The following NRXN3 variants were observed in gnomAD, a reference collection of about 807,000 sequenced individuals.
NRXN3 encodes neurexin III.
NRXN3 carries 32 observed loss-of-function variants against 137.6 expected under a neutral mutation model. The ratio of observed to expected loss-of-function variants is 0.23; its 90% CI spans 0.18 to 0.31. NRXN3 has a LOEUF of 0.31. Among genes scored for constraint, NRXN3 ranks in the 10% least tolerant of loss-of-function variants. NRXN3 has a pLI of 1.00. For missense variants in NRXN3, 1,574 were observed against 2,062.5 expected, an observed-to-expected ratio of 0.76 and a Z score of 4.59; for synonymous variants, 798 against 784.5, an observed-to-expected ratio of 1.02 and a Z score of -0.29.
chr14:78,396,231 G>A (rs1427634351), intron 4 of NRXN3, among the ~76,000 whole-genome samples: 1 of 151,924 alleles, frequency 6.6e-6, no homozygotes, highest in Non-Finnish European at 1.5e-5. Flanking sequence ...AACTGTCCAT[G>A]TGAAGTGTGG....
chr14:78,172,222 C>T (rs764645483), intron 1 of NRXN3, among the ~76,000 whole-genome samples: 13 of 152,100 alleles, frequency 8.5e-5, no homozygotes, highest in South Asian at 2.1e-4. Flanking sequence ...ACTCCCAGCA[C>T]GCTGCGTGAC....
At chr14:79,318,103 C>T (rs1355186001) in intron 15 of NRXN3, among the ~76,000 whole-genome samples, 1 of 152,124 alleles carries the variant, frequency 6.6e-6, no homozygotes, top group Non-Finnish European at 1.5e-5. Flanking sequence ...AAAGTATCTT[C>T]TTTCAGGAGG....
intron 4 of NRXN3, among the ~76,000 whole-genome samples, chr14:78,515,884 A>G (rs1395603374): frequency 6.6e-6 from 1 of 152,172 alleles, no homozygotes; most frequent in African/African-American, 2.4e-5. Context: ...CAAGTGAGGC[A>G]GAATAGTCAA....
At chr14:79,755,139 A>C (rs1439828563) in intron 19 of NRXN3, among the ~76,000 whole-genome samples, 1 of 152,154 alleles carries the variant, frequency 6.6e-6, no homozygotes, top group Admixed American at 6.6e-5. Context: ...TAAGTGACTC[A>C]AAGTCAAGAT....
intron 15 of NRXN3, among the ~76,000 whole-genome samples, chr14:78,995,237 T>A (rs1483024113): frequency 1.3e-5 from 2 of 152,218 alleles, no homozygotes; most frequent in Admixed American, 6.5e-5. Flanking sequence ...GTCTTCCTTC[T>A]TAACACTCAG....
At chr14:79,366,122 C>T (rs1026595616) in intron 15 of NRXN3, among the ~76,000 whole-genome samples, 22 of 152,018 alleles carry the variant, frequency 1.4e-4, no homozygotes, top group African/African-American at 4.6e-4. Flanking sequence ...GGATAAAAAT[C>T]GGAGCACTGA....
At chr14:78,737,696 G>A (rs937271559) in intron 8 of NRXN3, among the ~76,000 whole-genome samples, 1 of 152,138 alleles carries the variant, frequency 6.6e-6, no homozygotes, top group African/African-American at 2.4e-5. Context: ...AACGACAGCT[G>A]TGAGTTTAAT....
At chr14:79,079,693 A>G (rs2046582353) in intron 15 of NRXN3, among the ~76,000 whole-genome samples, 1 of 152,196 alleles carries the variant, frequency 6.6e-6, no homozygotes, top group South Asian at 2.1e-4. Flanking sequence ...TAAAGAGATC[A>G]AAAAGAAAAA....
chr14:79,070,883 G>A lies in NRXN3; in HGVS notation c.3262+82742G>A, dbSNP rs376940606. Among the ~76,000 whole-genome samples, 39 of 152,280 alleles carry A rather than the reference G, an allele frequency of 2.6e-4. 1 individual carries two copies. The highest frequency in any genetic ancestry group is 9.4e-4 in the African/African-American group (39 of 41,562). ...TTCAGAATCCCTCTTGAGATAAATA[G>A]ACATGTTGGGGGTGATTCTGGGATG... is the stretch of plus-strand genomic sequence containing the variant. On this transcript the variant is annotated intron_variant, in intron 15 of 20. Coordinates refer to ENST00000335750, the MANE Select transcript of NRXN3 (RefSeq NM_001330195.2).
intron 15 of NRXN3, among the ~76,000 whole-genome samples, chr14:79,077,953 C>T (rs1195244871): frequency 1.3e-5 from 2 of 152,076 alleles, no homozygotes; most frequent in East Asian, 1.9e-4. Context: ...GTTTTATAGA[C>T]AAGTTTCTAG....
intron 4 of NRXN3, among the ~76,000 whole-genome samples, chr14:78,507,231 C>T (rs2096011693): frequency 6.6e-6 from 1 of 152,154 alleles, no homozygotes; most frequent in Non-Finnish European, 1.5e-5. Context: ...TTGAAATAAT[C>T]ATGCCCATCT....
At chr14:78,712,863 G>A (rs192525192) in intron 7 of NRXN3, among the ~76,000 whole-genome samples, 33 of 152,130 alleles carry the variant, frequency 2.2e-4, no homozygotes, top group African/African-American at 6.3e-4. Flanking sequence ...ACACCCAGCC[G>A]ACTTTGTACT....
chr14:79,206,495 G>A (rs2066808865), intron 15 of NRXN3, among the ~76,000 whole-genome samples: 1 of 152,200 alleles, frequency 6.6e-6, no homozygotes, highest in Admixed American at 6.5e-5. Context: ...GGATACAGCT[G>A]CTGTTAACTC....
rs2099404581 is a variant in NRXN3 at position 78,959,816 on chromosome 14, G to C, written c.2395+2455G>C. Among the ~76,000 whole-genome samples the C allele has an allele frequency of 2.0e-5, 3 of 152,232 alleles. No individual in the cohort carries two copies. The South Asian group carries it at 6.2e-4, about 32-fold the overall frequency. ...GCAAAGGATAAGTCACACATCTGTT[G>C]CTCACTCCTCTGGGCTTGTCTCTGA... On this transcript the variant is annotated intron_variant, in intron 11 of 20. Coordinates refer to ENST00000335750, the MANE Select transcript of NRXN3 (RefSeq NM_001330195.2).
intron 4 of NRXN3, among the ~76,000 whole-genome samples, chr14:78,298,287 C>T (rs1050233164): frequency 1.3e-5 from 2 of 152,246 alleles, no homozygotes; most frequent in Admixed American, 6.5e-5. Context: ...CTGAATTTCC[C>T]TCTGCTTTTT....
chr14:79,020,431 ATTTT>A (rs144058950), intron 15 of NRXN3, among the ~76,000 whole-genome samples: 3,285 of 138,714 alleles, frequency 0.024, 117 homozygotes, highest in African/African-American at 0.083. Context: ...ACGCCTGGCT[ATTTT>A]TTTTTTTTTA....
intron 20 of NRXN3, chr14:79,853,636 A>G (rs1186301915): frequency 7.4e-7 from 1 of 1,344,112 alleles, no homozygotes; most frequent in Non-Finnish European, 9.8e-7. Flanking sequence ...TCTCCTGTGT[A>G]GTTCACTCAT....
chr14:79,043,998 G>A (rs527398929), intron 15 of NRXN3, among the ~76,000 whole-genome samples: 2 of 152,258 alleles, frequency 1.3e-5, no homozygotes, highest in East Asian at 3.9e-4. Context: ...CTAGATATTA[G>A]TAGCACCTTT....
intron 10 of NRXN3, among the ~76,000 whole-genome samples, chr14:78,940,043 A>C (rs1332433045): frequency 6.6e-6 from 1 of 152,200 alleles, no homozygotes; most frequent in Non-Finnish European, 1.5e-5. Flanking sequence ...GATAAAACAC[A>C]AAGTTTTCAG....
Sources: allele counts gnomAD v4.1 joint callset (sites outside exome capture counted in the v4.1 genomes callset), GRCh38; gene constraint gnomAD v4.1.1; transcripts MANE v1.5; gene names NCBI Gene and HGNC (gene_info 2026-07-23, HGNC 2026-07-21).